The following RAB10 variants were observed in gnomAD, a reference collection of about 807,000 sequenced individuals.
RAB10 encodes the protein RAB10, member RAS oncogene family.
Under a neutral mutation model 25.7 loss-of-function variants are expected in RAB10, and 5 were observed. The ratio of observed to expected loss-of-function variants is 0.19; its 90% confidence interval spans 0.10 to 0.41. The LOEUF (loss-of-function observed/expected upper bound fraction) is 0.41, where lower values mean the gene tolerates loss of function less well. RAB10 is among the 10% of genes least tolerant of loss of function. RAB10 has a pLI of 1.00. For synonymous variants in RAB10, 89 were observed against 86.4 expected, an observed-to-expected ratio of 1.03 and a Z score of -0.16; for missense variants, 103 against 245.8, an observed-to-expected ratio of 0.42 and a Z score of 3.89.
At chr2:26,055,533 G>A (rs2149265416) in intron 1 of RAB10, among the ~76,000 whole-genome samples, 1 of 152,036 alleles carries the variant, frequency 6.6e-6, no homozygotes, top group South Asian at 2.1e-4. Context: ...GACTACAGGT[G>A]CACACCACTG....
intron 3 of RAB10, among the ~76,000 whole-genome samples, chr2:26,112,602 A>T (rs1667597029): frequency 6.6e-6 from 1 of 152,164 alleles, no homozygotes; most frequent in African/African-American, 2.4e-5. Flanking sequence ...CAACCCAGGT[A>T]TCAAAAAGGA....
At chr2:26,058,413 C>A (rs1440939497) in intron 1 of RAB10, among the ~76,000 whole-genome samples, 1 of 151,906 alleles carries the variant, frequency 6.6e-6, no homozygotes, top group South Asian at 2.1e-4. Context: ...TACATGATAT[C>A]CTGATGCTTT....
chr2:26,114,077 A>G (rs1195158090), intron 3 of RAB10, among the ~76,000 whole-genome samples: 3 of 152,206 alleles, frequency 2.0e-5, no homozygotes, highest in Non-Finnish European at 1.5e-5. Context: ...ATATTGTTGA[A>G]AGAAATTAAA....
chr2:26,097,545 T>C (rs1283223710), intron 1 of RAB10, among the ~76,000 whole-genome samples: 3 of 152,224 alleles, frequency 2.0e-5, no homozygotes, highest in Non-Finnish European at 2.9e-5. Context: ...CCCAAAGTGC[T>C]GGGATTACAG....
At chr2:26,054,577 G>C (rs1171288144) in intron 1 of RAB10, among the ~76,000 whole-genome samples, 1 of 152,234 alleles carries the variant, frequency 6.6e-6, no homozygotes, top group Non-Finnish European at 1.5e-5. Flanking sequence ...TAATAGGCAA[G>C]AGTGCTATGG....
intron 1 of RAB10, among the ~76,000 whole-genome samples, chr2:26,092,434 A>G (rs769726659): frequency 1.7e-4 from 26 of 152,066 alleles, no homozygotes; most frequent in Non-Finnish European, 2.8e-4. Flanking sequence ...GAAGTTTGGT[A>G]AAAACAAAAA....
chr2:26,056,993 C>T (rs551639634), intron 1 of RAB10, among the ~76,000 whole-genome samples: 5 of 152,256 alleles, frequency 3.3e-5, no homozygotes, highest in East Asian at 3.9e-4. Context: ...TATATAGAGG[C>T]GTCGTGAGTG....
intron 1 of RAB10, among the ~76,000 whole-genome samples, chr2:26,040,745 C>G (rs1394817161): frequency 6.6e-6 from 1 of 152,124 alleles, no homozygotes; most frequent in Non-Finnish European, 1.5e-5. Flanking sequence ...CAAAATAAGG[C>G]AGGCCCTCAT....
intron 1 of RAB10, among the ~76,000 whole-genome samples, chr2:26,040,967 A>G (rs6546716): frequency 0.77 from 117,083 of 151,990 alleles, 45,153 homozygotes; most frequent in East Asian, 0.87. Context: ...CTGGTATGGT[A>G]CACTCAACCA....
At chr2:26,092,296 TG>T (rs1372326785) in intron 1 of RAB10, among the ~76,000 whole-genome samples, 104 of 137,584 alleles carry the variant, frequency 7.6e-4, no homozygotes, top group Non-Finnish European at 1.3e-3. Context: ...TGTGTGTGTG[TG>T]TGTGTGTGTG....
intron 1 of RAB10, among the ~76,000 whole-genome samples, chr2:26,070,521 C>T (rs1194185115): frequency 1.3e-5 from 2 of 152,132 alleles, no homozygotes; most frequent in Non-Finnish European, 2.9e-5. Context: ...TGTTTTCCTT[C>T]TTGTGAACCT....
chr2:26,083,569 T>C (rs1574543494), intron 1 of RAB10, among the ~76,000 whole-genome samples: 4 of 152,170 alleles, frequency 2.6e-5, no homozygotes, highest in East Asian at 1.9e-4. Flanking sequence ...GTTCTAGCAA[T>C]TCTTATGCCA....
chr2:26,065,933 G>A (rs543770558), intron 1 of RAB10, among the ~76,000 whole-genome samples: 38 of 152,016 alleles, frequency 2.5e-4, no homozygotes, highest in Middle Eastern at 6.8e-3. Context: ...TAGCTTAGTG[G>A]GAATATTGTT....
chr2:26,064,523 T>C (rs533558286), intron 1 of RAB10, among the ~76,000 whole-genome samples: 1 of 152,126 alleles, frequency 6.6e-6, no homozygotes, highest in South Asian at 2.1e-4. Flanking sequence ...TTTTCATTTT[T>C]TGTAGAGATG....
chr2:26,067,774 G>A (rs1341580599), intron 1 of RAB10, among the ~76,000 whole-genome samples: 2 of 152,198 alleles, frequency 1.3e-5, no homozygotes, highest in Non-Finnish European at 2.9e-5. Context: ...GACCTTGTCA[G>A]AAGTTAGAAA....
intron 1 of RAB10, among the ~76,000 whole-genome samples, chr2:26,075,014 C>G (rs1666703186): frequency 2.6e-5 from 4 of 152,108 alleles, no homozygotes; most frequent in Admixed American, 6.6e-5. Flanking sequence ...GGTCGAAGTT[C>G]TTCTCTCACA....
At chr2:26,109,311 CA>C (rs1202356633) in intron 2 of RAB10, among the ~76,000 whole-genome samples, 1 of 152,130 alleles carries the variant, frequency 6.6e-6, no homozygotes, top group Non-Finnish European at 1.5e-5. Flanking sequence ...GGCATAGTTA[CA>C]GGAGCAAAAT....
At chr2:26,066,278 A>G (rs1666511165) in intron 1 of RAB10, among the ~76,000 whole-genome samples, 1 of 151,452 alleles carries the variant, frequency 6.6e-6, no homozygotes, top group African/African-American at 2.4e-5. Flanking sequence ...CTTGGAATTG[A>G]AAAAAAAAGA....
chr2:26,123,588 A>G (rs568891192), intron 3 of RAB10, among the ~76,000 whole-genome samples: 1 of 152,362 alleles, frequency 6.6e-6, no homozygotes, highest in South Asian at 2.1e-4. Flanking sequence ...ATAGACATCA[A>G]CCAGAGGAAT....
Sources: allele counts gnomAD v4.1 joint callset (sites outside exome capture counted in the v4.1 genomes callset), GRCh38; gene constraint gnomAD v4.1.1; transcripts MANE v1.5; gene names NCBI Gene and HGNC (gene_info 2026-07-23, HGNC 2026-07-21).